The following SRGAP3 variants were observed in gnomAD, a reference collection of about 807,000 sequenced individuals.
SRGAP3 encodes the protein SLIT-ROBO Rho GTPase-activating protein 3.
SRGAP3 carries 39 observed loss-of-function variants against 121.1 expected under a neutral mutation model. The ratio of observed to expected loss-of-function variants is 0.32; its 90% confidence interval spans 0.25 to 0.42. SRGAP3 has a LOEUF of 0.42. SRGAP3 is among the 10% of genes least tolerant of loss of function. The pLI, the probability that SRGAP3 is intolerant of heterozygous loss-of-function variation, is 1.00. For missense variants in SRGAP3, 1,213 were observed against 1,470.6 expected (o/e 0.82, Z 2.86); for synonymous variants, 601 against 570.0 (o/e 1.05, Z -0.77).
chr3:9,340,251 T>C (rs1955762025), intron 1 of SRGAP3, among the ~76,000 whole-genome samples: 1 of 152,222 alleles, frequency 6.6e-6, no homozygotes, highest in Non-Finnish European at 1.5e-5. Context: ...TGTTTATAGA[T>C]TTAATATCTG....
chr3:9,082,672 C>T (rs1398284827), intron 3 of SRGAP3, among the ~76,000 whole-genome samples: 9 of 152,240 alleles, frequency 5.9e-5, no homozygotes, highest in Admixed American at 5.2e-4. Flanking sequence ...CAGCCTCCTG[C>T]TCTTCCTCCC....
chr3:9,303,826 T>G (rs1410743620), intron 3 of SRGAP3, among the ~76,000 whole-genome samples: 1 of 152,198 alleles, frequency 6.6e-6, no homozygotes, highest in African/African-American at 2.4e-5. Context: ...CAACATTATC[T>G]TCATCTTAAA....
chr3:9,127,359 C>T (rs569090875), intron 1 of SRGAP3, among the ~76,000 whole-genome samples: 1 of 152,282 alleles, frequency 6.6e-6, no homozygotes, highest in African/African-American at 2.4e-5. Flanking sequence ...ATGTGGTCCA[C>T]AGACCAGCAG....
chr3:9,258,963 A>C (rs1054191018), intron 3 of SRGAP3, among the ~76,000 whole-genome samples: 1 of 152,168 alleles, frequency 6.6e-6, no homozygotes, highest in African/African-American at 2.4e-5. Context: ...CGCACTTAAG[A>C]GTTGAATGCA....
intron 1 of SRGAP3, among the ~76,000 whole-genome samples, chr3:9,206,634 T>C (rs1952275679): frequency 6.6e-6 from 1 of 152,182 alleles, no homozygotes; most frequent in Non-Finnish European, 1.5e-5. Context: ...TGGCACATGC[T>C]GTTTCTCCCA....
chr3:9,229,438 T>G (rs1182049765), intron 1 of SRGAP3, among the ~76,000 whole-genome samples: 1 of 152,130 alleles, frequency 6.6e-6, no homozygotes, highest in Non-Finnish European at 1.5e-5. Flanking sequence ...GAGCTGAGAT[T>G]CAGGTGTGGG....
intron 1 of SRGAP3, among the ~76,000 whole-genome samples, chr3:9,198,473 T>G (rs1339379913): frequency 1.3e-5 from 2 of 152,248 alleles, no homozygotes. Flanking sequence ...GCCAGCTTCC[T>G]GGACTTACAA....
At chr3:9,037,164 G>C (rs1274130472) in intron 11 of SRGAP3, 1 of 152,188 alleles carries the variant, frequency 6.6e-6, no homozygotes, top group Non-Finnish European at 1.5e-5. Flanking sequence ...TGTGGGAAAA[G>C]AAAGAATGCC....
intron 1 of SRGAP3, among the ~76,000 whole-genome samples, chr3:9,200,874 T>C (rs547766848): frequency 7.9e-4 from 121 of 152,244 alleles, no homozygotes; most frequent in South Asian, 8.3e-4. Context: ...ACACACACTC[T>C]CATTTAAAAA....
Position 8,992,953 on chromosome 3 carries a change from G to T in SRGAP3, c.2511C>A (p.Ser837=). ...CGTAATCCGAGATGTGCTCCGTGGG[G>T]GACTGGAGGTCGTTTTTGGAAGAGG... ...DKASSKNDLQ[S]PTEHISDYGF... is the part of the protein sequence containing the mutation. Residue 837 remains serine, a synonymous_variant, in exon 20 of 22, where the codon TCC becomes TCA. Transcript: ENST00000383836. The T allele has an allele frequency of 3.1e-6, 5 of 1,614,170 alleles. No individual in the cohort carries two copies. Among genetic ancestry groups the T allele is most frequent in the Non-Finnish European group, 4.2e-6 (5 of 1,180,036 alleles).
chr3:9,023,098 G>A (rs971552323), intron 14 of SRGAP3, among the ~76,000 whole-genome samples: 8 of 152,132 alleles, frequency 5.3e-5, no homozygotes, highest in South Asian at 4.1e-4. Context: ...ACAGAATATG[G>A]AGAGGCAGGG....
intron 1 of SRGAP3, among the ~76,000 whole-genome samples, chr3:9,161,507 TG>T (rs1950598121): frequency 6.6e-6 from 1 of 152,240 alleles, no homozygotes; most frequent in East Asian, 1.9e-4. Context: ...TCACGTGGGC[TG>T]GAAGAGGCAG....
intron 1 of SRGAP3, among the ~76,000 whole-genome samples, chr3:9,141,339 A>G (rs1173041071): frequency 2.0e-5 from 3 of 152,220 alleles, no homozygotes; most frequent in African/African-American, 7.2e-5. Flanking sequence ...AGAATGCCAC[A>G]TGGAAGAATA....
chr3:9,125,655 G>A (rs1232493402), intron 1 of SRGAP3, among the ~76,000 whole-genome samples: 1 of 152,220 alleles, frequency 6.6e-6, no homozygotes, highest in Non-Finnish European at 1.5e-5. Context: ...GCTGGAAGCT[G>A]GAGTTAAAAA....
At chr3:9,220,081 A>G (rs1273780137) in intron 1 of SRGAP3, among the ~76,000 whole-genome samples, 2 of 152,164 alleles carry the variant, frequency 1.3e-5, no homozygotes, top group Non-Finnish European at 2.9e-5. Flanking sequence ...GTACAAACAT[A>G]TATTTAGATA....
intron 1 of SRGAP3, among the ~76,000 whole-genome samples, chr3:9,362,298 G>C (rs1424795067): frequency 6.9e-6 from 1 of 145,342 alleles, no homozygotes; most frequent in African/African-American, 2.5e-5. Context: ...CAAGTAGCTA[G>C]GACTACAGGT....
chr3:9,065,367 A>C (rs1201384079), intron 4 of SRGAP3: 1 of 152,238 alleles, frequency 6.6e-6, no homozygotes, highest in Non-Finnish European at 1.5e-5. Flanking sequence ...ACAAACAGGG[A>C]AACTGAGGCT....
rs1351490026 is a variant in SRGAP3 at position 8,981,142 on chromosome 3, C to G, written c.*4377G>C. On this transcript the variant is annotated 3_prime_UTR_variant, in exon 22 of 22. Coordinates refer to ENST00000383836, the MANE Select transcript of SRGAP3 (RefSeq NM_014850.4). Reference sequence around the variant, plus strand: ...GGAGGTCAGGAGGGCTTGGACCTGACAGCAAAGTCCCTTCTCTCGGCTCCC... The same window carrying G: ...GGAGGTCAGGAGGGCTTGGACCTGAGAGCAAAGTCCCTTCTCTCGGCTCCC... The G allele has an allele frequency of 4.3e-6, 1 of 233,052 alleles. No homozygotes were observed. Among genetic ancestry groups the G allele is most frequent in the Non-Finnish European group, 8.5e-6 (1 of 118,010 alleles). The allele number at this position is 233,052 out of a possible 1,614,324, so 14.4% of individuals were successfully genotyped here. A position where few individuals can be genotyped will look rare whatever the true frequency, so the allele number is the denominator to read the frequency against.
chr3:9,165,061 G>A (rs564268648), intron 1 of SRGAP3, among the ~76,000 whole-genome samples: 3 of 152,366 alleles, frequency 2.0e-5, no homozygotes, highest in East Asian at 3.9e-4. Context: ...GAGGCAGGCT[G>A]GGCTTAGCTA....
Sources: gnomAD v4.1 joint callset for allele counts (sites outside exome capture counted in the v4.1 genomes callset) on GRCh38, gnomAD v4.1.1 for gene constraint, MANE v1.5 for transcripts, NCBI Gene and HGNC (gene_info 2026-07-23, HGNC 2026-07-21) for gene names.